Variants in MYBPC1 observed in about 807,000 individuals in gnomAD.
The protein encoded by MYBPC1 is myosin binding protein C1, also known as myosin-binding protein C, slow-type.
In MYBPC1, 52 loss-of-function variants were observed where a neutral mutation model predicts 147.1. The observed-to-expected ratio is 0.35, with a 90% CI of 0.28 to 0.45. The LOEUF is 0.45. Ranked by LOEUF, MYBPC1 falls within the 20% of genes least tolerant of loss-of-function variation. The probability of loss-of-function intolerance (pLI) is 1.00; values close to 1 mark genes in which losing one functional copy is unlikely to be tolerated. For synonymous variants in MYBPC1, 477 were observed against 475.9 expected (o/e 1.00, Z -0.03); for missense variants, 1,228 against 1,440.3 (o/e 0.85, Z 2.39).
At chr12:101,681,578 ATATATATATATATATTTTTTTTTTTTT>A (rs1185610427) in intron 29 of MYBPC1, among the ~76,000 whole-genome samples, 2 of 23,064 alleles carry the variant, frequency 8.7e-5, no homozygotes, top group African/African-American at 4.5e-4. Context: ...ATATATATAT[ATATATATATATATATTTTTTTTTTTTT>A]TTTTTTTTTT....
chr12:101,693,737 CTAAATAAATAAA>C, the MYBPC1 span, among the ~76,000 whole-genome samples: 2 of 101,820 alleles, frequency 2.0e-5, no homozygotes, highest in Non-Finnish European at 4.8e-5. Context: ...GAATCTGTCT[CTAAATAAATAAA>C]TAAATAAATA....
chr12:101,643,818 G>GT (rs986164738), intron 11 of MYBPC1, among the ~76,000 whole-genome samples: 4 of 152,004 alleles, frequency 2.6e-5, no homozygotes, highest in Non-Finnish European at 5.9e-5. Context: ...TGCAAGGGGT[G>GT]TTTTTAAAAT....
the MYBPC1 span, among the ~76,000 whole-genome samples, chr12:101,692,354 T>G: frequency 6.6e-6 from 1 of 152,168 alleles, no homozygotes; most frequent in Non-Finnish European, 1.5e-5. Context: ...ACTGGACTGT[T>G]CCATATTGAC....
chr12:101,674,407 G>A (rs991544382), intron 25 of MYBPC1, among the ~76,000 whole-genome samples: 1 of 152,064 alleles, frequency 6.6e-6, no homozygotes, highest in African/African-American at 2.4e-5. Flanking sequence ...AAATTGAACA[G>A]TTAAATACTG....
intron 28 of MYBPC1, among the ~76,000 whole-genome samples, chr12:101,679,632 C>T (rs375375477): frequency 1.8e-4 from 27 of 152,278 alleles, no homozygotes; most frequent in African/African-American, 6.3e-4. Context: ...TGGGTCATTA[C>T]TGATCTTGCA....
intron 8 of MYBPC1, 119 bp downstream of exon 8, chr12:101,632,257 T>G: frequency 1.3e-6 from 1 of 795,920 alleles, no homozygotes; most frequent in Non-Finnish European, 2.2e-6. Flanking sequence ...TAAAACTGTT[T>G]CTGATTGTGG....
At chr12:101,598,217 G>A (rs918465647) in intron 1 of MYBPC1, among the ~76,000 whole-genome samples, 4 of 151,852 alleles carry the variant, frequency 2.6e-5, no homozygotes, top group African/African-American at 4.8e-5. Flanking sequence ...ACGAGGTTTC[G>A]CCATGTTGGC....
chr12:101,663,497 C>T lies in MYBPC1; in HGVS notation c.2293C>T (p.Pro765Ser), dbSNP rs374300443. The part of the protein sequence containing the change: ...TDTTVTMRWR[P>S]PDHIGAAGLD... ...CACGACTGTCACGATGAGGTGGCGC[C>T]CCCCAGACCACATTGGTGCAGCAGG... is the stretch of plus-strand genomic sequence containing the variant. The change falls in exon 22 of 32, where the codon CCC becomes TCC. Residue 765 changes from proline to serine, a missense_variant. Physicochemically the swap from Pro to Ser is moderately conservative, Grantham distance 74. Around this residue, in one of 2 missense-constraint regions of MYBPC1, gnomAD observed 1,077 missense variants for 1,314.2 expected, o/e 0.82. Coordinates refer to ENST00000361466, the MANE Select transcript of MYBPC1 (RefSeq NM_002465.4). 5 of 1,613,990 alleles carry T rather than the reference C, an allele frequency of 3.1e-6. No homozygotes were observed. Among genetic ancestry groups the T allele is most frequent in the Non-Finnish European group, 4.2e-6 (5 of 1,180,016 alleles).
chr12:101,647,219 A>G (rs1893374272), intron 13 of MYBPC1, among the ~76,000 whole-genome samples: 1 of 152,234 alleles, frequency 6.6e-6, no homozygotes, highest in Non-Finnish European at 1.5e-5. Flanking sequence ...CAGCTTCATT[A>G]ATAAGTGGTT....
Position 101,649,344 on chromosome 12 carries a change from A to G in MYBPC1, c.1281A>G (p.Ile427Met), listed in dbSNP as rs747142419. The change falls in exon 15 of 32, where the codon ATA (isoleucine) becomes ATG (methionine). Residue 427 changes from isoleucine to methionine, a missense_variant. Around this residue, in one of 2 missense-constraint regions of MYBPC1, gnomAD observed 1,077 missense variants for 1,314.2 expected, o/e 0.82. Coordinates refer to ENST00000361466, the MANE Select transcript of MYBPC1 (RefSeq NM_002465.4). ...RVEGKKHILI[I>M]EGATKADAAE... ...AGGGTAAAAAACACATCTTGATCAT[A>G]GAGGGAGCAACAAAGGCTGATGCTG... 1.2e-6 allele frequency: 2 copies of G among 1,613,900 alleles called. No individual in the cohort carries two copies. The highest frequency in any genetic ancestry group is 1.7e-6 in the Non-Finnish European group (2 of 1,179,892).
At chr12:101,621,064 A>T (rs893336575) in intron 3 of MYBPC1, among the ~76,000 whole-genome samples, 12 of 152,290 alleles carry the variant, frequency 7.9e-5, no homozygotes, top group South Asian at 6.2e-4. Context: ...TTTTAAATTT[A>T]AAAAAATGAT....
intron 15 of MYBPC1, 77 bp from the exon 16 acceptor site, chr12:101,651,154 T>C: frequency 6.7e-7 from 1 of 1,484,008 alleles, no homozygotes; most frequent in Non-Finnish European, 9.4e-7. Context: ...GAGCTCACTA[T>C]ACCATTGTGA....
In MYBPC1 at chr12:101,671,378, G is replaced by A. The variant is rs558750170; in HGVS notation, c.2613+969G>A. Among the ~76,000 whole-genome samples, 4 of 151,454 alleles carry A rather than the reference G, an allele frequency of 2.6e-5. No homozygotes were observed. The South Asian group carries it at 8.4e-4, about 32-fold the overall frequency. On this transcript the variant is annotated intron_variant, in intron 24 of 31. Transcript: ENST00000361466. ...TCACACATGCACACATGCACACACA[G>A]AGAGAACTCTGTTCAAACCCAGGCT...
chr12:101,599,585 C>T (rs150358302), intron 1 of MYBPC1, among the ~76,000 whole-genome samples: 1 of 152,290 alleles, frequency 6.6e-6, no homozygotes, highest in African/African-American at 2.4e-5. Context: ...CTATTTCAAA[C>T]ACCGAAATCA....
chr12:101,637,969 G>A (rs538354678), intron 10 of MYBPC1, among the ~76,000 whole-genome samples: 17 of 152,266 alleles, frequency 1.1e-4, no homozygotes, highest in African/African-American at 3.8e-4. Flanking sequence ...GCCCTTAAGT[G>A]AGCCTCACGT....
rs1325760602 is a variant in MYBPC1, at chr12:101,673,517, A to G, written c.2704A>G (p.Ile902Val). 6.2e-7 allele frequency: 1 copy of G among 1,614,120 alleles called. No homozygotes were observed. The highest frequency in any genetic ancestry group is 1.3e-5 in the African/African-American group (1 of 75,036). Residue 902 changes from isoleucine (I) to valine (V), a missense_variant, in exon 25 of 32, where the codon ATC (isoleucine) becomes GTC (valine). Physicochemically the swap from Ile to Val is conservative, Grantham distance 29 (BLOSUM62 3). Coordinates refer to ENST00000361466, the MANE Select transcript of MYBPC1 (RefSeq NM_002465.4). Reference sequence around the variant, plus strand: ...CATTCGCAACTCTGAGACTGATACAATCATATTTATTAGAAAAGCAGAGAG... The same window carrying G: ...CATTCGCAACTCTGAGACTGATACAGTCATATTTATTAGAAAAGCAGAGAG... ...INIRNSETDT[I>V]IFIRKAERSH...
At chr12:101,633,948 G>C (rs533022053) in intron 8 of MYBPC1, among the ~76,000 whole-genome samples, 1 of 150,228 alleles carries the variant, frequency 6.7e-6, no homozygotes, top group East Asian at 2.0e-4. Flanking sequence ...CCAGGCTGGA[G>C]TGCAGTGGCG....
intron 3 of MYBPC1, among the ~76,000 whole-genome samples, chr12:101,623,065 G>A (rs375392380): frequency 6.6e-6 from 1 of 152,176 alleles, no homozygotes; most frequent in African/African-American, 2.4e-5. Flanking sequence ...GCCAGGTGCT[G>A]TGCCTCCTCA....
chr12:101,615,328 C>T (rs966575965), intron 2 of MYBPC1, among the ~76,000 whole-genome samples: 7 of 152,150 alleles, frequency 4.6e-5, no homozygotes, highest in African/African-American at 1.7e-4. Flanking sequence ...TGTGCATTTT[C>T]CCATAAAGAC....
Sources: allele counts gnomAD v4.1 joint callset (sites outside exome capture counted in the v4.1 genomes callset), GRCh38; gene constraint gnomAD v4.1.1; regional missense constraint gnomAD v4.1.1; transcripts MANE v1.5; gene names NCBI Gene and HGNC (gene_info 2026-07-23, HGNC 2026-07-21).